LCMT1: variants seen among roughly 807,000 people sequenced by gnomAD.
LCMT1 encodes [Phosphatase 2A protein]-leucine-carboxy methyltransferase 1.
LCMT1 carries 32 observed loss-of-function variants against 47.7 expected under a neutral mutation model. The observed-to-expected ratio is 0.67, with a 90% CI of 0.51 to 0.90. The LOEUF (loss-of-function observed/expected upper bound fraction) is 0.90, where lower values mean the gene tolerates loss of function less well. Ranked by LOEUF, LCMT1 falls within the 40% of genes least tolerant of loss-of-function variation. LCMT1 has a pLI of 0.00. For synonymous variants in LCMT1, 152 were observed against 149.7 expected (o/e 1.02, Z -0.11); for missense variants, 375 against 415.2 (o/e 0.90, Z 0.84).
rs114553140 is a variant in LCMT1 at position 25,125,486 on chromosome 16, G to A, written c.114-2989G>A. ...TGTGATTGTGCCAGTTTAAGGTTCC[G>A]GCAGCTTGAGTGCCCTCTTCCCTAT... On this transcript the variant is annotated intron_variant, in intron 1 of 10. Coordinates refer to ENST00000399069, the MANE Select transcript of LCMT1 (RefSeq NM_016309.3). 8.5e-3 allele frequency among the ~76,000 whole-genome samples: 1,300 copies of A among 152,182 alleles called. 18 individuals are homozygous for A. Among genetic ancestry groups the A allele is most frequent in the African/African-American group, 0.028 (1,183 of 41,512 alleles).
intron 5 of LCMT1, chr16:25,158,854 T>G (rs1282889999): frequency 6.6e-6 from 1 of 152,208 alleles, no homozygotes; most frequent in African/African-American, 2.4e-5. Flanking sequence ...ACTCAAGTCA[T>G]CAAATTCTAT....
rs1960014106 is a variant in LCMT1, at chr16:25,122,295, C to G, written c.114-6180C>G. Among the ~76,000 whole-genome samples, 7 of 11,676 alleles carry G rather than the reference C, an allele frequency of 6.0e-4. No homozygotes were observed. In the South Asian group the frequency reaches 0.032, roughly 53 times the overall value. The allele number at this position is 11,676 out of a possible 152,430, so 7.7% of individuals were successfully genotyped here. On this transcript the variant is annotated intron_variant, in intron 1 of 10. Coordinates refer to ENST00000399069, the MANE Select transcript of LCMT1 (RefSeq NM_016309.3). Reference sequence around the variant, plus strand: ...CTGATATTTCTTATGTGAATCCTCTCTCCTGATGATGATGATGATGATTAT... The same window carrying G: ...CTGATATTTCTTATGTGAATCCTCTGTCCTGATGATGATGATGATGATTAT...
chr16:25,163,467 CAAAAA>C (rs11318381), intron 6 of LCMT1, among the ~76,000 whole-genome samples: 2 of 97,496 alleles, frequency 2.1e-5, no homozygotes, highest in Admixed American at 1.1e-4. Flanking sequence ...GACTCTGTCT[CAAAAA>C]AAAAAAAAAA....
At chr16:25,132,257 C>T (rs1960369756) in intron 2 of LCMT1, 145 bp from the exon 3 acceptor site, 1 of 940,796 alleles carries the variant, frequency 1.1e-6, no homozygotes, top group Admixed American at 2.7e-5. Context: ...GTTGCTGTTT[C>T]TCCCATAGAG....
At chr16:25,140,806 A>G (rs532949932) in intron 4 of LCMT1, 1 of 153,494 alleles carries the variant, frequency 6.5e-6, no homozygotes, top group Non-Finnish European at 1.5e-5. Flanking sequence ...CTGAGGTGGG[A>G]TACTCCATAA....
At chr16:25,127,883 A>G (rs566426233) in intron 1 of LCMT1, among the ~76,000 whole-genome samples, 51 of 11,366 alleles carry the variant, frequency 4.5e-3, no homozygotes, top group Non-Finnish European at 9.9e-3. Flanking sequence ...AATTCCTTGT[A>G]GTATAGACTG....
chr16:25,160,943 T>C (rs1328620050), intron 5 of LCMT1, among the ~76,000 whole-genome samples, 159 bp from the exon 6 acceptor site: 1 of 151,940 alleles, frequency 6.6e-6, no homozygotes, highest in African/African-American at 2.4e-5. Context: ...ATAGTTATCT[T>C]TGGAAGATAG....
Position 25,171,243 on chromosome 16 carries a change from AAAAT to A in LCMT1, c.884+446_884+449del, listed in dbSNP as rs150245529. 5.7e-3 allele frequency among the ~76,000 whole-genome samples: 863 copies of A among 152,206 alleles called. 4 individuals carry two copies. Among genetic ancestry groups the A allele is most frequent in the African/African-American group, 0.019 (805 of 41,534 alleles). On this transcript the variant is annotated intron_variant, in intron 9 of 10. Coordinates refer to ENST00000399069, the MANE Select transcript of LCMT1 (RefSeq NM_016309.3). ...CAAAAGAGCAAAACTCTTGTCTCCA[AAAAT>A]AAATAAAAATACAAAAATTAGCCGG...
intron 1 of LCMT1, among the ~76,000 whole-genome samples, chr16:25,115,257 C>T (rs1467429012): frequency 1.3e-5 from 2 of 152,200 alleles, no homozygotes; most frequent in Non-Finnish European, 2.9e-5. Context: ...TAGATGTTCC[C>T]TCTGCTGTTA....
intron 10 of LCMT1, among the ~76,000 whole-genome samples, chr16:25,176,111 A>G (rs921641666): frequency 6.6e-6 from 1 of 152,086 alleles, no homozygotes; most frequent in African/African-American, 2.4e-5. Flanking sequence ...TAAGGTGCAC[A>G]TGCCTGTCTG....
In LCMT1 at chr16:25,132,572, G is replaced by A. The variant is rs201189482; in HGVS notation, c.327+49G>A. The A allele has an allele frequency of 1.2e-4, 187 of 1,590,374 alleles. 2 individuals are homozygous for A. Among genetic ancestry groups the A allele is most frequent in the East Asian group, 1.1e-3 (50 of 44,580 alleles). On this transcript the variant is annotated intron_variant, in intron 3 of 10. Coordinates refer to ENST00000399069, the MANE Select transcript of LCMT1 (RefSeq NM_016309.3). ...CTCCCCAAGTGTTTAGATTTTTTTC[G>A]TTAGATTTTCACCTAATTCGAAATG...
At chr16:25,145,025 G>A (rs1387149033) in intron 4 of LCMT1, 2 of 152,306 alleles carry the variant, frequency 1.3e-5, no homozygotes, top group Middle Eastern at 3.4e-3. Flanking sequence ...GTCTCACATA[G>A]GGGTTTAGCC....
At chr16:25,123,600 CTTTTTTTTTTTT>C (rs1173228613) in intron 1 of LCMT1, among the ~76,000 whole-genome samples, 12 of 63,488 alleles carry the variant, frequency 1.9e-4, no homozygotes, top group East Asian at 4.8e-4. Context: ...AAATTGCTTT[CTTTTTTTTTTTT>C]TTTTTTTTTT....
intron 1 of LCMT1, among the ~76,000 whole-genome samples, chr16:25,118,998 C>T (rs1959885470): frequency 6.6e-6 from 1 of 152,120 alleles, no homozygotes; most frequent in African/African-American, 2.4e-5. Context: ...GCTTCAGCCT[C>T]TGTTAGGAGC....
chr16:25,119,093 G>C (rs1597557168), intron 1 of LCMT1, among the ~76,000 whole-genome samples: 1 of 152,200 alleles, frequency 6.6e-6, no homozygotes, highest in African/African-American at 2.4e-5. Context: ...CTTGGATCAG[G>C]ATAGTGGTGA....
chr16:25,122,738 C>A (rs1458410179), intron 1 of LCMT1, among the ~76,000 whole-genome samples: 1 of 152,150 alleles, frequency 6.6e-6, no homozygotes, highest in Non-Finnish European at 1.5e-5. Context: ...CTCTGCTTTG[C>A]TTGCAGTATT....
intron 3 of LCMT1, among the ~76,000 whole-genome samples, chr16:25,134,466 G>A (rs889543783): frequency 1.7e-4 from 26 of 152,334 alleles, no homozygotes; most frequent in Non-Finnish European, 3.2e-4. Flanking sequence ...CAGAGGCTCT[G>A]GGGCAGGGAT....
intron 3 of LCMT1, among the ~76,000 whole-genome samples, chr16:25,135,287 ATATATC>A (rs150320745): frequency 0.078 from 11,344 of 145,846 alleles, 633 homozygotes; most frequent in East Asian, 0.24. Flanking sequence ...CTTTTAAAAT[ATATATC>A]TATATATATA....
chr16:25,120,727 C>T, intron 1 of LCMT1, among the ~76,000 whole-genome samples: 1 of 148,508 alleles, frequency 6.7e-6, no homozygotes, highest in Non-Finnish European at 1.5e-5. Context: ...CCGCACCTGG[C>T]CTTGTTTTTT....
Sources: gnomAD v4.1 joint callset for allele counts (sites outside exome capture counted in the v4.1 genomes callset) on GRCh38, gnomAD v4.1.1 for gene constraint, MANE v1.5 for transcripts, NCBI Gene and HGNC (gene_info 2026-07-23, HGNC 2026-07-21) for gene names.